The following MAP3K13 variants were observed in gnomAD, a reference collection of about 807,000 sequenced individuals.
The protein encoded by MAP3K13 is leucine zipper-bearing kinase.
In MAP3K13, 52 loss-of-function variants were observed where a neutral mutation model predicts 104.0. The ratio of observed to expected loss-of-function variants is 0.50; its 90% CI spans 0.40 to 0.63. The LOEUF is 0.63. Ranked by LOEUF, MAP3K13 falls within the 20% of genes least tolerant of loss-of-function variation. MAP3K13 has a pLI of 0.00. For missense variants in MAP3K13, 914 were observed against 1,218.5 expected, an observed-to-expected ratio of 0.75 and a Z score of 3.72; for synonymous variants, 394 against 442.2, an observed-to-expected ratio of 0.89 and a Z score of 1.37.
intron 1 of MAP3K13, among the ~76,000 whole-genome samples, chr3:185,401,903 C>T (rs116036668): frequency 0.02 from 3,012 of 152,230 alleles, 42 homozygotes; most frequent in Non-Finnish European, 0.025. Flanking sequence ...GGAGCGACCT[C>T]TTACCTGGAA....
At chr3:185,338,883 G>A (rs964542597) in intron 2 of MAP3K13, among the ~76,000 whole-genome samples, 5 of 151,986 alleles carry the variant, frequency 3.3e-5, no homozygotes, top group African/African-American at 1.2e-4. Context: ...ATTCTGGCCT[G>A]TTTAAAGCAA....
At chr3:185,416,778 T>C (rs1448085305) in intron 1 of MAP3K13, among the ~76,000 whole-genome samples, 1 of 149,666 alleles carries the variant, frequency 6.7e-6, no homozygotes, top group Non-Finnish European at 1.5e-5. Flanking sequence ...CATGCCACCA[T>C]GCCCAGCTAT....
intron 2 of MAP3K13, among the ~76,000 whole-genome samples, chr3:185,435,693 T>C (rs1350506318): frequency 6.6e-6 from 1 of 152,232 alleles, no homozygotes; most frequent in Non-Finnish European, 1.5e-5. Flanking sequence ...TCATTTTATA[T>C]ACTTTTTGCT....
chr3:185,446,420 A>G (rs1715599017), intron 4 of MAP3K13, among the ~76,000 whole-genome samples: 1 of 152,000 alleles, frequency 6.6e-6, no homozygotes, highest in Non-Finnish European at 1.5e-5. Context: ...CACGCTCGTA[A>G]GCCTCTCATC....
intron 2 of MAP3K13, among the ~76,000 whole-genome samples, chr3:185,429,311 T>C (rs756861953): frequency 6.6e-6 from 1 of 152,188 alleles, no homozygotes; most frequent in African/African-American, 2.4e-5. Context: ...TATAAAACAA[T>C]CCATGGGATT....
chr3:185,337,710 T>C (rs1338328143), intron 2 of MAP3K13, among the ~76,000 whole-genome samples: 10 of 152,000 alleles, frequency 6.6e-5, no homozygotes, highest in African/African-American at 2.4e-4. Flanking sequence ...ATCTCTTTTC[T>C]AGCAACCTGA....
Position 185,434,786 on chromosome 3 carries a change from A to G in MAP3K13, c.476-2661A>G, listed in dbSNP as rs207464152. Among the ~76,000 whole-genome samples, 4 of 152,180 alleles carry G rather than the reference A, an allele frequency of 2.6e-5. No homozygotes were observed. In the South Asian group the frequency reaches 8.3e-4, roughly 32 times the overall value. On this transcript the variant is annotated intron_variant, in intron 2 of 13. Coordinates refer to ENST00000265026, the MANE Select transcript of MAP3K13 (RefSeq NM_004721.5). ...TTCCAATGTTTAACAGTAACTAAAG[A>G]TTGAGTAAATAGGGTAAAAAAGACA...
intron 2 of MAP3K13, among the ~76,000 whole-genome samples, chr3:185,436,008 C>G (rs149933466): frequency 1.3e-5 from 2 of 152,190 alleles, no homozygotes; most frequent in African/African-American, 4.8e-5. Flanking sequence ...ATTTTTCTCA[C>G]TCCGTGGGGC....
At chr3:185,309,300 G>A (rs9868835) in intron 2 of MAP3K13, among the ~76,000 whole-genome samples, 103,755 of 151,878 alleles carry the variant, frequency 0.68, 36,822 homozygotes, top group Non-Finnish European at 0.78. Flanking sequence ...TTCAGCCCAG[G>A]AGTTTAAGAC....
At chr3:185,385,317 A>G (rs1363070577) in intron 1 of MAP3K13, among the ~76,000 whole-genome samples, 1 of 151,962 alleles carries the variant, frequency 6.6e-6, no homozygotes, top group Non-Finnish European at 1.5e-5. Context: ...TGTCCAACTA[A>G]TTTTTGTATT....
chr3:185,451,565 A>G, intron 7 of MAP3K13, 170 bp downstream of exon 7: 3 of 534,290 alleles, frequency 5.6e-6, no homozygotes. Flanking sequence ...AAGAGCTTTT[A>G]AAGCACTTAA....
chr3:185,438,209 T>C lies in MAP3K13; in HGVS notation c.659+579T>C, dbSNP rs9881324. The stretch of plus-strand genomic sequence containing the variant: ...TACTTAAGAGGCTGAGGCAGGGGGA[T>C]TGCTTGAACCCAGAAGGTTGAGGCT... On this transcript the variant is annotated intron_variant, in intron 3 of 13. Coordinates refer to ENST00000265026, the MANE Select transcript of MAP3K13 (RefSeq NM_004721.5). Among the ~76,000 whole-genome samples, 980 of 152,032 alleles carry C rather than the reference T, an allele frequency of 6.4e-3. 12 individuals carry two copies. The highest frequency in any genetic ancestry group is 0.022 in the African/African-American group (899 of 41,428).
intron 1 of MAP3K13, among the ~76,000 whole-genome samples, chr3:185,372,009 C>A (rs1724186531): frequency 6.6e-6 from 1 of 152,142 alleles, no homozygotes; most frequent in African/African-American, 2.4e-5. Flanking sequence ...AAATGCAAAG[C>A]CATGATTGCT....
chr3:185,379,674 G>A (rs886816140), intron 1 of MAP3K13, among the ~76,000 whole-genome samples: 5 of 152,172 alleles, frequency 3.3e-5, no homozygotes, highest in Non-Finnish European at 7.3e-5. Context: ...ATTTCACCTG[G>A]TGCAGGCGGG....
chr3:185,455,940 T>TA (rs1716709598), intron 7 of MAP3K13, among the ~76,000 whole-genome samples: 1 of 141,536 alleles, frequency 7.1e-6, no homozygotes, highest in Non-Finnish European at 1.5e-5. Flanking sequence ...ATATATGAGA[T>TA]ATATATATGA....
chr3:185,390,200 C>T (rs546200434), intron 1 of MAP3K13, among the ~76,000 whole-genome samples: 1 of 152,306 alleles, frequency 6.6e-6, no homozygotes, highest in South Asian at 2.1e-4. Context: ...TGAGTAATAG[C>T]TAATATCTCT....
upstream of MAP3K13, among the ~76,000 whole-genome samples, chr3:185,362,706 A>T (rs1414656205): frequency 6.6e-6 from 1 of 152,178 alleles, no homozygotes; most frequent in African/African-American, 2.4e-5. Context: ...ATACATGTCC[A>T]CTAGTCTGCT....
chr3:185,437,642 C>CTG lies in MAP3K13; in HGVS notation c.659+13_659+14insGT. ...ATCATCGCATTCAAGTAGGTCAAGG[C>CTG]TTTTTTTTTTTAAGAAGTAGACCTA... On this transcript the variant is annotated intron_variant, in intron 3 of 13. Transcript: ENST00000265026. 7.9e-7 allele frequency: 1 copy of CTG among 1,271,744 alleles called. No homozygotes were observed. Among genetic ancestry groups the CTG allele is most frequent in the Non-Finnish European group, 1.1e-6 (1 of 931,608 alleles). The allele number at this position is 1,271,744 out of a possible 1,614,324, so 78.8% of individuals were successfully genotyped here.
In MAP3K13 at chr3:185,465,771, C is replaced by T; in HGVS notation, c.1413C>T (p.His471=). The change falls in exon 9 of 14, where the codon CAC becomes CAT. Residue 471 remains histidine (H), a synonymous_variant. Coordinates refer to ENST00000265026, the MANE Select transcript of MAP3K13 (RefSeq NM_004721.5). ...ELRHALDIRE[H]YERKLERANN... ...GGCATGCGCTGGATATTCGTGAACA[C>T]TATGAGCGGAAGCTTGAGCGGGCGA... 6.2e-7 allele frequency: 1 copy of T among 1,613,998 alleles called. No homozygotes were observed. The highest frequency in any genetic ancestry group is 8.5e-7 in the Non-Finnish European group (1 of 1,179,874).
Sources: gnomAD v4.1 joint callset for allele counts (sites outside exome capture counted in the v4.1 genomes callset) on GRCh38, gnomAD v4.1.1 for gene constraint, MANE v1.5 for transcripts, NCBI Gene and HGNC (gene_info 2026-07-23, HGNC 2026-07-21) for gene names.